Variants in VRK2 observed in about 807,000 individuals in gnomAD.
VRK2 encodes the protein VRK serine/threonine kinase 2, also known as serine/threonine-protein kinase VRK2.
VRK2 carries 60 observed loss-of-function variants against 57.6 expected under a neutral mutation model. The ratio of observed to expected loss-of-function variants is 1.04; its 90% confidence interval spans 0.85 to 1.29. The LOEUF (loss-of-function observed/expected upper bound fraction) is 1.29. VRK2 is among the 50% of genes most tolerant of loss of function. The pLI is 0.00. For synonymous variants in VRK2, 231 were observed against 199.2 expected, an observed-to-expected ratio of 1.16 and a Z score of -1.35; for missense variants, 705 against 588.1, an observed-to-expected ratio of 1.20 and a Z score of -2.06.
At chr2:57,963,575 T>A (rs1288580232) in intron 1 of VRK2, among the ~76,000 whole-genome samples, 1 of 152,196 alleles carries the variant, frequency 6.6e-6, no homozygotes, top group Admixed American at 6.6e-5. Flanking sequence ...TTTTGTGGAT[T>A]ATGAAAGAAT....
intron 7 of VRK2, 75 bp downstream of exon 7, chr2:58,089,798 C>A (rs748337828): frequency 3.0e-6 from 3 of 1,012,656 alleles, no homozygotes; most frequent in Middle Eastern, 2.1e-4. Flanking sequence ...AAACTTCTAA[C>A]CCAGAAGAGT....
At chr2:58,074,967 G>C (rs1669880855) in intron 2 of VRK2, among the ~76,000 whole-genome samples, 1 of 152,054 alleles carries the variant, frequency 6.6e-6, no homozygotes, top group Non-Finnish European at 1.5e-5. Context: ...TGTGCGTCAT[G>C]GGAGTTTGGT....
At chr2:58,006,283 TA>T (rs1220461636) in intron 1 of VRK2, among the ~76,000 whole-genome samples, 1 of 152,144 alleles carries the variant, frequency 6.6e-6, no homozygotes, top group Non-Finnish European at 1.5e-5. Context: ...CTTTGGCAGT[TA>T]GGAGGGATTT....
At chr2:58,142,325 T>G (rs1458489304) in intron 11 of VRK2, among the ~76,000 whole-genome samples, 4 of 128,194 alleles carry the variant, frequency 3.1e-5, no homozygotes, top group Middle Eastern at 7.1e-3. Context: ...AAAGAAAAAG[T>G]TTTTTTTTTT....
At chr2:57,936,467 A>G (rs2103945015) in intron 1 of VRK2, among the ~76,000 whole-genome samples, 1 of 152,198 alleles carries the variant, frequency 6.6e-6, no homozygotes, top group Admixed American at 6.5e-5. Context: ...TAGTGATGCA[A>G]AATTAAATAA....
chr2:57,987,569 T>A (rs914391533), intron 1 of VRK2, among the ~76,000 whole-genome samples: 3 of 152,192 alleles, frequency 2.0e-5, no homozygotes, highest in Admixed American at 2.0e-4. Context: ...TGCAAATTGT[T>A]ATAACCTCTT....
chr2:57,929,402 T>C (rs535442059), intron 1 of VRK2, among the ~76,000 whole-genome samples: 3 of 152,260 alleles, frequency 2.0e-5, no homozygotes, highest in Admixed American at 6.5e-5. Context: ...CCACGTGTTC[T>C]TTAGTCAGCT....
upstream of VRK2, chr2:58,046,545 C>A (rs1674768957): frequency 1.0e-6 from 1 of 985,592 alleles, no homozygotes; most frequent in East Asian, 1.1e-4. Context: ...GGCGGCGGTT[C>A]TTCGTCCAGA....
chr2:57,993,689 T>A (rs1179988075), intron 1 of VRK2, among the ~76,000 whole-genome samples: 1 of 152,238 alleles, frequency 6.6e-6, no homozygotes, highest in African/African-American at 2.4e-5. Flanking sequence ...TCAGATGAAT[T>A]AAGTTTTAAC....
chr2:58,096,294 G>A (rs1477027385), intron 7 of VRK2, among the ~76,000 whole-genome samples: 1 of 152,018 alleles, frequency 6.6e-6, no homozygotes, highest in Non-Finnish European at 1.5e-5. Context: ...TTCATAAAAA[G>A]AATTTGGAGG....
At chr2:58,004,019 GCTTT>G (rs1673168483) in intron 1 of VRK2, among the ~76,000 whole-genome samples, 1 of 152,030 alleles carries the variant, frequency 6.6e-6, no homozygotes. Context: ...ATTAGGAAAT[GCTTT>G]CTCTCTTTAC....
intron 9 of VRK2, 118 bp from the exon 10 acceptor site, chr2:58,135,023 A>AG: frequency 9.5e-7 from 1 of 1,056,888 alleles, no homozygotes; most frequent in Non-Finnish European, 1.4e-6. Context: ...GACAAAAAAA[A>AG]AAGCATTGAA....
At chr2:58,113,650 G>A (rs183004503) in intron 7 of VRK2, among the ~76,000 whole-genome samples, 1 of 152,134 alleles carries the variant, frequency 6.6e-6, no homozygotes, top group Admixed American at 6.5e-5. Flanking sequence ...GGTGCTCAGT[G>A]GGGGAGCTTC....
intron 1 of VRK2, among the ~76,000 whole-genome samples, chr2:57,934,525 T>C (rs1002300323): frequency 7.9e-5 from 12 of 152,246 alleles, no homozygotes; most frequent in Non-Finnish European, 1.5e-4. Context: ...TTAGACTGTC[T>C]GATTTTATTC....
At chr2:57,921,166 AG>A (rs1670331404) in intron 1 of VRK2, among the ~76,000 whole-genome samples, 1 of 152,092 alleles carries the variant, frequency 6.6e-6, no homozygotes, top group Non-Finnish European at 1.5e-5. Flanking sequence ...AGAATCATCA[AG>A]GGTGCTTATT....
At chr2:58,012,301 G>A (rs1673438619) in intron 1 of VRK2, among the ~76,000 whole-genome samples, 1 of 152,102 alleles carries the variant, frequency 6.6e-6, no homozygotes, top group South Asian at 2.1e-4. Flanking sequence ...TAATAAACTT[G>A]CTTTCACTTT....
At chr2:57,973,592 A>C (rs1324304205) in intron 1 of VRK2, among the ~76,000 whole-genome samples, 2 of 151,862 alleles carry the variant, frequency 1.3e-5, no homozygotes, top group African/African-American at 2.4e-5. Flanking sequence ...AAGAGCTACA[A>C]AATAATAATT....
At chr2:57,944,522 G>T (rs1341672178) in intron 1 of VRK2, among the ~76,000 whole-genome samples, 1 of 152,152 alleles carries the variant, frequency 6.6e-6, no homozygotes, top group Non-Finnish European at 1.5e-5. Context: ...GGATCACGAC[G>T]TCAGGAGATC....
chr2:58,109,853 T>G (rs1378054734), intron 7 of VRK2, among the ~76,000 whole-genome samples: 1 of 152,158 alleles, frequency 6.6e-6, no homozygotes, highest in African/African-American at 2.4e-5. Flanking sequence ...GGTTCTTTCT[T>G]TCTGTATGTA....
Sources: allele counts gnomAD v4.1 joint callset (sites outside exome capture counted in the v4.1 genomes callset), GRCh38; gene constraint gnomAD v4.1.1; transcripts MANE v1.5; gene names NCBI Gene and HGNC (gene_info 2026-07-23, HGNC 2026-07-21).